Variants in ARHGEF26 observed in about 807,000 individuals in gnomAD.
The protein encoded by ARHGEF26 is Rho guanine nucleotide exchange factor (GEF) 26.
Under a neutral mutation model 89.4 loss-of-function variants are expected in ARHGEF26, and 59 were observed. The observed-to-expected ratio is 0.66, with a 90% CI of 0.54 to 0.82. ARHGEF26 has a LOEUF of 0.82. Among genes scored for constraint, ARHGEF26 ranks in the 40% least tolerant of loss-of-function variants. ARHGEF26 has a pLI of 0.00. For missense variants in ARHGEF26, 1,234 were observed against 1,085.6 expected (o/e 1.14, Z -1.92); for synonymous variants, 500 against 428.4 (o/e 1.17, Z -2.06).
chr3:154,247,158 C>G (rs116299115), intron 12 of ARHGEF26, among the ~76,000 whole-genome samples: 1 of 152,130 alleles, frequency 6.6e-6, no homozygotes. Context: ...CTTATCTATG[C>G]TCTTAGTTTG....
At chr3:154,173,022 C>T (rs1712548667) in intron 6 of ARHGEF26, among the ~76,000 whole-genome samples, 1 of 152,046 alleles carries the variant, frequency 6.6e-6, no homozygotes, top group South Asian at 2.1e-4. Flanking sequence ...TATGTTGTAG[C>T]CAAAGTCGAC....
At chr3:154,216,493 T>TTA (rs1553748476) in intron 9 of ARHGEF26, among the ~76,000 whole-genome samples, 1,201 of 24,826 alleles carry the variant, frequency 0.048, 13 homozygotes, top group African/African-American at 0.19. Flanking sequence ...TTTTTTTTTA[T>TTA]TTTTTTTTAT....
chr3:154,160,071 C>T (rs1711563471), intron 6 of ARHGEF26, among the ~76,000 whole-genome samples: 2 of 152,182 alleles, frequency 1.3e-5, no homozygotes, highest in Admixed American at 6.5e-5. Flanking sequence ...TTTCTAAAAT[C>T]AATTTCTTCA....
intron 9 of ARHGEF26, among the ~76,000 whole-genome samples, chr3:154,203,899 C>T (rs1204797520): frequency 6.7e-6 from 1 of 149,588 alleles, no homozygotes; most frequent in Non-Finnish European, 1.5e-5. Flanking sequence ...ATTCAATTTG[C>T]TAGTATTTTT....
At chr3:154,187,600 T>C (rs1713660694) in intron 6 of ARHGEF26, 85 bp from the exon 7 acceptor site, 1 of 1,208,324 alleles carries the variant, frequency 8.3e-7, no homozygotes. Context: ...TCAAACCCCG[T>C]GTAATAACAT....
chr3:154,189,087 G>T (rs932083005), intron 7 of ARHGEF26, among the ~76,000 whole-genome samples: 1 of 152,036 alleles, frequency 6.6e-6, no homozygotes, highest in Non-Finnish European at 1.5e-5. Flanking sequence ...GGTGGGAACC[G>T]CTGCTATAGG....
intron 5 of ARHGEF26, among the ~76,000 whole-genome samples, chr3:154,150,598 T>C (rs1719963957): frequency 6.6e-6 from 1 of 152,194 alleles, no homozygotes; most frequent in Non-Finnish European, 1.5e-5. Flanking sequence ...AGTACTCTAG[T>C]CTATGAACAC....
At chr3:154,178,646 G>C (rs1330225651) in intron 6 of ARHGEF26, among the ~76,000 whole-genome samples, 1 of 152,146 alleles carries the variant, frequency 6.6e-6, no homozygotes, top group Non-Finnish European at 1.5e-5. Flanking sequence ...TTAATTGATG[G>C]ATATTGGGTT....
At chr3:154,163,747 AC>A (rs1711810065) in intron 6 of ARHGEF26, among the ~76,000 whole-genome samples, 1 of 152,180 alleles carries the variant, frequency 6.6e-6, no homozygotes, top group East Asian at 1.9e-4. Flanking sequence ...TTTCTCATGG[AC>A]ATTGTTCCCG....
chr3:154,165,158 C>A lies in ARHGEF26; in HGVS notation c.1487+12226C>A, dbSNP rs535275858. Among the ~76,000 whole-genome samples, 48 of 152,146 alleles carry A rather than the reference C, an allele frequency of 3.2e-4. No homozygotes were observed. The South Asian group carries it at 9.1e-3, about 29-fold the overall frequency. On this transcript the variant is annotated intron_variant, in intron 6 of 14. Coordinates refer to ENST00000465093, the MANE Select transcript of ARHGEF26 (RefSeq NM_015595.4). ...TGGTTTACCTCACTTATGCTTATGC[C>A]ATTCCTAGGGGTCACTGTATGCCTC...
intron 4 of ARHGEF26, among the ~76,000 whole-genome samples, chr3:154,148,683 T>A (rs1013142393): frequency 2.0e-5 from 3 of 152,178 alleles, no homozygotes; most frequent in Non-Finnish European, 2.9e-5. Context: ...TGCCGGACTT[T>A]GGGTCATGCA....
chr3:154,145,611 G>A (rs1026466312), intron 4 of ARHGEF26, among the ~76,000 whole-genome samples: 2 of 152,054 alleles, frequency 1.3e-5, no homozygotes, highest in Admixed American at 6.6e-5. Context: ...CCCTAGTGGT[G>A]GGCAAAAATA....
chr3:154,216,507 T>A lies in ARHGEF26; in HGVS notation c.1846-1362T>A, dbSNP rs1353316206. On this transcript the variant is annotated intron_variant, in intron 9 of 14. Coordinates refer to ENST00000465093, the MANE Select transcript of ARHGEF26 (RefSeq NM_015595.4). ...TTTTTTTTTTATTTTTTTTTATTTT[T>A]TATTTTTTTTTTATGTCTATACAAA... 4.8e-4 allele frequency among the ~76,000 whole-genome samples: 52 copies of A among 107,770 alleles called. No homozygotes were observed. The East Asian group carries it at 0.015, about 31-fold the overall frequency. 70.7% of individuals were successfully genotyped at this position (107,770 alleles called of 152,430 possible).
intron 4 of ARHGEF26, among the ~76,000 whole-genome samples, chr3:154,132,225 T>TA (rs759917233): frequency 1.3e-5 from 2 of 152,108 alleles, no homozygotes; most frequent in South Asian, 4.1e-4. Context: ...ATAGAAAAAT[T>TA]AAAAAATAAA....
chr3:154,225,460 A>G (rs1331165416), intron 10 of ARHGEF26, among the ~76,000 whole-genome samples: 1 of 152,020 alleles, frequency 6.6e-6, no homozygotes. Context: ...GTATGTTTAG[A>G]TTCTGATTTG....
At chr3:154,227,787 A>C (rs1462952182) in intron 11 of ARHGEF26, among the ~76,000 whole-genome samples, 3 of 152,156 alleles carry the variant, frequency 2.0e-5, no homozygotes, top group African/African-American at 7.2e-5. Context: ...GTCTCAGTAG[A>C]CCAAGAGCTT....
At chr3:154,152,679 G>A (rs987847893) in intron 5 of ARHGEF26, 93 bp from the exon 6 acceptor site, 13 of 950,976 alleles carry the variant, frequency 1.4e-5, no homozygotes, top group South Asian at 3.4e-5. Flanking sequence ...GAAAAGTGGA[G>A]TATCTTGTTA....
At chr3:154,177,986 A>G (rs369918407) in intron 6 of ARHGEF26, among the ~76,000 whole-genome samples, 7 of 152,136 alleles carry the variant, frequency 4.6e-5, no homozygotes, top group African/African-American at 9.7e-5. Context: ...CAGGCAGATC[A>G]CGAGATGTGG....
intron 7 of ARHGEF26, among the ~76,000 whole-genome samples, chr3:154,190,022 A>G (rs560681926): frequency 6.6e-5 from 10 of 151,784 alleles, no homozygotes; most frequent in South Asian, 2.1e-4. Context: ...TCAAAATAAC[A>G]TTTTTTTTAA....
Sources: allele counts gnomAD v4.1 joint callset (sites outside exome capture counted in the v4.1 genomes callset), GRCh38; gene constraint gnomAD v4.1.1; transcripts MANE v1.5; gene names NCBI Gene and HGNC (gene_info 2026-07-23, HGNC 2026-07-21).